The following ZFYVE28 variants were observed in gnomAD, a reference collection of about 807,000 sequenced individuals.
ZFYVE28 encodes the protein zinc finger FYVE-type containing 28.
Under a neutral mutation model 82.1 loss-of-function variants are expected in ZFYVE28, and 40 were observed. The ratio of observed to expected loss-of-function variants is 0.49; its 90% CI spans 0.38 to 0.63. ZFYVE28 has a LOEUF of 0.63. ZFYVE28 is among the 30% of genes least tolerant of loss of function. ZFYVE28 has a pLI of 0.00. For missense variants in ZFYVE28, 1,321 were observed against 1,242.1 expected (o/e 1.06, Z -0.96); for synonymous variants, 612 against 546.1 (o/e 1.12, Z -1.68).
chr4:2,295,336 ATT>A (rs11308959), intron 8 of ZFYVE28, among the ~76,000 whole-genome samples: 107 of 145,180 alleles, frequency 7.4e-4, no homozygotes, highest in Admixed American at 1.6e-3. Flanking sequence ...TAAATTTTGT[ATT>A]TTTTTTTTTT....
chr4:2,341,376 C>T lies in ZFYVE28; in HGVS notation c.318+102G>A, dbSNP rs1722772062. 98 of 1,487,202 alleles carry T rather than the reference C, an allele frequency of 6.6e-5. 2 individuals are homozygous for T. The South Asian group carries it at 1.1e-3, about 17-fold the overall frequency. The allele number at this position is 1,487,202 out of a possible 1,614,324, so 92.1% of individuals were successfully genotyped here. ...GTGGACGGAGCTCTTGGAGGAGACA[C>T]CAGGTCCCGGCACCTGCAGGCGCCC... On this transcript the variant is annotated intron_variant, in intron 3 of 12. Coordinates refer to ENST00000290974, the MANE Select transcript of ZFYVE28 (RefSeq NM_020972.3). The surrounding 1 kb of genome is among the most constrained non-coding windows in gnomAD (Gnocchi z 4.5).
chr4:2,374,946 T>A (rs1363951878), intron 1 of ZFYVE28, among the ~76,000 whole-genome samples: 2 of 152,204 alleles, frequency 1.3e-5, no homozygotes, highest in Admixed American at 6.5e-5. Context: ...CTGGTGCCCG[T>A]GGATAAGGAC....
rs759736083 is a variant in ZFYVE28, at chr4:2,320,275, C to T, written c.702-4G>A. 6 of 1,613,560 alleles carry T rather than the reference C, an allele frequency of 3.7e-6. No homozygotes were observed. In the South Asian group the frequency reaches 5.5e-5, roughly 15 times the overall value. ...GTCCGCATAGACCACGAGGCCACTG[C>T]ATTTGAGACACAAAAGCCAGGATGT... is the stretch of plus-strand genomic sequence containing the variant. On this transcript the variant is annotated splice_polypyrimidine_tract_variant and splice_region_variant and intron_variant, in intron 6 of 12. Coordinates refer to ENST00000290974, the MANE Select transcript of ZFYVE28 (RefSeq NM_020972.3). This position sits in a 1 kb window ranked among gnomAD's most constrained non-coding sequence, Gnocchi z 5.1.
At chr4:2,399,837 C>T (rs1468779153) in intron 1 of ZFYVE28, among the ~76,000 whole-genome samples, 2 of 152,244 alleles carry the variant, frequency 1.3e-5, no homozygotes, top group African/African-American at 2.4e-5. Context: ...TGAGCCGTAC[C>T]AGTCACGTGG....
intron 1 of ZFYVE28, among the ~76,000 whole-genome samples, chr4:2,393,912 A>T (rs1265350973): frequency 6.6e-6 from 1 of 152,260 alleles, no homozygotes; most frequent in Non-Finnish European, 1.5e-5. Flanking sequence ...TTCACATCTT[A>T]CAGTTCTGGA....
chr4:2,320,187 C>T lies in ZFYVE28; in HGVS notation c.786G>A (p.Thr262=), dbSNP rs373734649. 23 of 1,606,672 alleles carry T rather than the reference C, an allele frequency of 1.4e-5. No homozygotes were observed. The highest frequency in any genetic ancestry group is 1.7e-4 in the Middle Eastern group (1 of 6,056). ...DMSELFRPFH[T]LLRKIRDLLQ... is the part of the protein sequence containing the mutation. ...ATCCCCACCTTATTTTCCGCAGCAA[C>T]GTGTGGAAGGGCCGGAACAGCTCGG... The change falls in exon 7 of 13, where the codon ACG becomes ACA. Residue 262 remains threonine, a synonymous_variant. Transcript: ENST00000290974. The surrounding 1 kb of genome is among the most constrained non-coding windows in gnomAD (Gnocchi z 5.1).
In ZFYVE28 at chr4:2,372,130, T is replaced by C. The variant is rs1406508554; in HGVS notation, c.40-18057A>G. On this transcript the variant is annotated intron_variant, in intron 1 of 12. Coordinates refer to ENST00000290974, the MANE Select transcript of ZFYVE28 (RefSeq NM_020972.3). This position sits in a 1 kb window ranked among gnomAD's most constrained non-coding sequence, Gnocchi z 5.2. Reference sequence around the variant, plus strand: ...GGCCCATGTGGACATCTGTCAGAACTGGGGAGCGGGGAGGAGGGCAAATGT... The same window carrying C: ...GGCCCATGTGGACATCTGTCAGAACCGGGGAGCGGGGAGGAGGGCAAATGT... 3.3e-5 allele frequency among the ~76,000 whole-genome samples: 5 copies of C among 152,176 alleles called. No individual in the cohort carries two copies. The highest frequency in any genetic ancestry group is 1.2e-4 in the African/African-American group (5 of 41,452).
chr4:2,339,478 C>T lies in ZFYVE28; in HGVS notation c.496G>A (p.Val166Ile), dbSNP rs769156298. The T allele has an allele frequency of 1.3e-5, 21 of 1,613,954 alleles. No individual in the cohort carries two copies. Among genetic ancestry groups the T allele is most frequent in the South Asian group, 5.5e-5 (5 of 91,026 alleles). The change falls in exon 4 of 13, where the codon GTC becomes ATC. Residue 166 changes from valine to isoleucine, a missense_variant. Transcript: ENST00000290974. This position sits in a 1 kb window ranked among gnomAD's most constrained non-coding sequence, Gnocchi z 5.0. ...KMREALRHFD[V>I]LFAEFELSYV... The stretch of plus-strand genomic sequence containing the variant: ...CTGAGCTCAAACTCTGCGAACAGGA[C>T]GTCGAAGTGCCTCAGCGCTTCCCTC...
chr4:2,393,920 G>A (rs1052534199), intron 1 of ZFYVE28, among the ~76,000 whole-genome samples: 1 of 152,218 alleles, frequency 6.6e-6, no homozygotes, highest in Non-Finnish European at 1.5e-5. Context: ...TTACAGTTCT[G>A]GAGGACAGAA....
chr4:2,411,712 G>A (rs1266277220), intron 1 of ZFYVE28, among the ~76,000 whole-genome samples: 2 of 152,148 alleles, frequency 1.3e-5, no homozygotes, highest in African/African-American at 2.4e-5. Flanking sequence ...TGTAAAACAG[G>A]GTGCATCAGC....
At chr4:2,413,081 T>C (rs1578434526) in intron 1 of ZFYVE28, among the ~76,000 whole-genome samples, 1 of 151,726 alleles carries the variant, frequency 6.6e-6, no homozygotes, top group African/African-American at 2.4e-5. Context: ...GCGCAGGGAG[T>C]GATGCTCGCC....
At chr4:2,388,407 G>A (rs1023793762) in intron 1 of ZFYVE28, among the ~76,000 whole-genome samples, 8 of 152,040 alleles carry the variant, frequency 5.3e-5, no homozygotes, top group Non-Finnish European at 1.0e-4. Context: ...ACAGCACAAC[G>A]AGGGCTCCCA....
At position 2,305,467 on chromosome 4, in the gene ZFYVE28, G is replaced by T; in HGVS notation, c.873C>A (p.Asp291Glu). Residue 291 changes from aspartate to glutamate, a missense_variant, in exon 8 of 13, where the codon GAC becomes GAA. Transcript: ENST00000290974. ...CGTCTGCGCGGATGGGGAACTCCAC[G>T]TCTTGGGAAATGCAGAGGTTCCGTT... is the stretch of plus-strand genomic sequence containing the variant. ...TLERNLCISQ[D>E]VEFPIRADVQ... 4 of 1,612,966 alleles carry T rather than the reference G, an allele frequency of 2.5e-6. No individual in the cohort carries two copies. The highest frequency in any genetic ancestry group is 3.4e-6 in the Non-Finnish European group (4 of 1,180,040).
At chr4:2,330,558 C>T in intron 6 of ZFYVE28, 1 of 1,171,594 alleles carries the variant, frequency 8.5e-7, no homozygotes, top group South Asian at 2.0e-5. Context: ...GAGGGGACAG[C>T]ATGGAGAATG....
At chr4:2,288,257 G>C (rs1018376408) in intron 8 of ZFYVE28, among the ~76,000 whole-genome samples, 1 of 152,192 alleles carries the variant, frequency 6.6e-6, no homozygotes, top group Non-Finnish European at 1.5e-5. Flanking sequence ...TGGGTACAGG[G>C]CCTCCATCTC....
intron 7 of ZFYVE28, among the ~76,000 whole-genome samples, chr4:2,308,692 GA>G (rs1247533198): frequency 0.012 from 1,141 of 96,200 alleles, 16 homozygotes; most frequent in African/African-American, 0.043. Flanking sequence ...AGAAAGAAAA[GA>G]AAAGAAAAGA....
intron 8 of ZFYVE28, among the ~76,000 whole-genome samples, chr4:2,290,664 C>T (rs1560145422): frequency 6.6e-6 from 1 of 152,214 alleles, no homozygotes; most frequent in Non-Finnish European, 1.5e-5. Context: ...AAGTCAGCTC[C>T]TCTGGGACGG....
chr4:2,303,677 C>T (rs1397304330), intron 8 of ZFYVE28, among the ~76,000 whole-genome samples: 2 of 152,158 alleles, frequency 1.3e-5, no homozygotes, highest in East Asian at 1.9e-4. Flanking sequence ...CTCCCCATCT[C>T]CCCCCAGTGC....
At chr4:2,346,215 G>A (rs1232844480) in intron 2 of ZFYVE28, among the ~76,000 whole-genome samples, 21 of 149,710 alleles carry the variant, frequency 1.4e-4, no homozygotes, top group African/African-American at 4.0e-4. Flanking sequence ...GGTGGTGGGC[G>A]CCTATAGTCC....
Sources: gnomAD v4.1 joint callset for allele counts (sites outside exome capture counted in the v4.1 genomes callset) on GRCh38, gnomAD v4.1.1 for gene constraint, Gnocchi (gnomAD v3.1) non-coding constraint, MANE v1.5 for transcripts, NCBI Gene and HGNC (gene_info 2026-07-23, HGNC 2026-07-21) for gene names.